Variants in RIPK1 observed in about 807,000 individuals in gnomAD.
RIPK1 encodes receptor interacting serine/threonine kinase 1.
RIPK1 carries 27 observed loss-of-function variants against 62.4 expected under a neutral mutation model. The ratio of observed to expected loss-of-function variants is 0.43; its 90% CI spans 0.32 to 0.60. The LOEUF (loss-of-function observed/expected upper bound fraction) is 0.60, where lower values mean the gene tolerates loss of function less well. Ranked by LOEUF, RIPK1 falls within the 20% of genes least tolerant of loss-of-function variation. RIPK1 has a pLI of 0.07. For missense variants in RIPK1, 735 were observed against 831.0 expected (o/e 0.88, Z 1.42); for synonymous variants, 287 against 303.2 (o/e 0.95, Z 0.55).
intron 6 of RIPK1, among the ~76,000 whole-genome samples, chr6:3,087,790 C>T (rs7770867): frequency 0.91 from 136,282 of 150,420 alleles, 62,219 homozygotes; most frequent in South Asian, 0.99. Flanking sequence ...CAGCCCGCCT[C>T]GGCCTCCCAA....
intron 5 of RIPK1, 47 bp from the exon 6 acceptor site, chr6:3,085,212 C>CT: frequency 1.9e-6 from 3 of 1,609,398 alleles, no homozygotes; most frequent in Non-Finnish European, 2.5e-6. Context: ...TGTCACCTTC[C>CT]TGCCTGAGAG....
At chr6:3,077,082 G>A (rs1282075266) in intron 2 of RIPK1, 95 bp downstream of exon 2, 2 of 1,236,472 alleles carry the variant, frequency 1.6e-6, no homozygotes, top group Non-Finnish European at 2.2e-6. Flanking sequence ...CCGTTGGTGG[G>A]TAGAGTGAGA....
In RIPK1 at chr6:3,094,044, C is replaced by T. The variant is rs796105346; in HGVS notation, c.915+4387C>T. Among the ~76,000 whole-genome samples the T allele has an allele frequency of 2.7e-3, 344 of 127,166 alleles. 59 individuals carry two copies. The highest frequency in any genetic ancestry group is 0.015 in the African/African-American group (320 of 21,794). 83.4% of individuals were successfully genotyped at this position (127,166 alleles called of 152,430 possible). On this transcript the variant is annotated intron_variant, in intron 7 of 10. Coordinates refer to ENST00000259808, the MANE Select transcript of RIPK1 (RefSeq NM_001354930.2). ...GCCTACCTGCCGCACCTAGTAACTGCAGCGCGCCTACCTGCCGCACCTAGT... is the reference window on the plus strand; with the variant it reads ...GCCTACCTGCCGCACCTAGTAACTGTAGCGCGCCTACCTGCCGCACCTAGT...
At position 3,105,131 on chromosome 6, in the gene RIPK1, C is replaced by T. The variant is rs370812061; in HGVS notation, c.1007-351C>T. 2.0e-5 allele frequency among the ~76,000 whole-genome samples: 3 copies of T among 152,172 alleles called. No individual in the cohort carries two copies. The highest frequency in any genetic ancestry group is 2.9e-5 in the Non-Finnish European group (2 of 68,040). ...CCTCCCAACGTGCTAGGATTACAGG[C>T]GTGAGCCACCGCACCCAGCCACAGA... On this transcript the variant is annotated intron_variant, in intron 8 of 10. Coordinates refer to ENST00000259808, the MANE Select transcript of RIPK1 (RefSeq NM_001354930.2). This position sits in a 1 kb window ranked among gnomAD's most constrained non-coding sequence, Gnocchi z 4.5.
At chr6:3,068,419 A>G, upstream of RIPK1, 1 of 985,474 alleles carries the variant, frequency 1.0e-6, no homozygotes, top group Non-Finnish European at 1.2e-6. Context: ...GCGAGGTCCC[A>G]CGAGCGGCGG....
At chr6:3,068,816 T>C in intron 1 of RIPK1, 155 bp downstream of exon 1, 1 of 294,364 alleles carries the variant, frequency 3.4e-6, no homozygotes, top group Non-Finnish European at 5.0e-6. Context: ...CGCCGCTTCT[T>C]CCCTCACCCG....
intron 10 of RIPK1, 61 bp downstream of exon 10, chr6:3,111,016 G>C: frequency 8.4e-7 from 1 of 1,193,944 alleles, no homozygotes; most frequent in Non-Finnish European, 1.1e-6. Flanking sequence ...TTGTGAGAAG[G>C]ACATAGTGGA....
chr6:3,089,534 A>G (rs953183540), intron 6 of RIPK1, 47 bp from the exon 7 acceptor site: 1 of 908,748 alleles, frequency 1.1e-6, no homozygotes, highest in African/African-American at 1.7e-5. Flanking sequence ...TTTTTATTTT[A>G]TGTTAGAAAA....
At chr6:3,108,047 C>T (rs1417871238) in intron 9 of RIPK1, among the ~76,000 whole-genome samples, 1 of 151,556 alleles carries the variant, frequency 6.6e-6, no homozygotes, top group Non-Finnish European at 1.5e-5. Flanking sequence ...TAACTCTATA[C>T]CAAAATATGA....
chr6:3,112,491 G>A (rs1262932445), intron 10 of RIPK1, among the ~76,000 whole-genome samples: 2 of 152,136 alleles, frequency 1.3e-5, no homozygotes, highest in Admixed American at 6.6e-5. Context: ...ATCAGCTGTG[G>A]CTCAGGGATG....
intron 1 of RIPK1, among the ~76,000 whole-genome samples, chr6:3,070,980 C>T (rs1758682972): frequency 6.6e-6 from 1 of 152,180 alleles, no homozygotes; most frequent in African/African-American, 2.4e-5. Flanking sequence ...ATCTTAGTTT[C>T]TTTATTTGCA....
upstream of RIPK1, among the ~76,000 whole-genome samples, chr6:3,065,581 G>T (rs942771535): frequency 1.3e-5 from 2 of 151,982 alleles, no homozygotes; most frequent in Admixed American, 6.6e-5. Context: ...GGTCTCCCAG[G>T]CTCACCTGGA....
intron 7 of RIPK1, among the ~76,000 whole-genome samples, chr6:3,098,112 C>T (rs1021005333): frequency 1.3e-5 from 2 of 152,138 alleles, no homozygotes; most frequent in African/African-American, 2.4e-5. Flanking sequence ...GATGAGATGA[C>T]TGCTTGGGCC....
intron 7 of RIPK1, among the ~76,000 whole-genome samples, chr6:3,096,754 T>C (rs1760336032): frequency 6.6e-6 from 1 of 151,020 alleles, no homozygotes; most frequent in South Asian, 2.1e-4. Context: ...AGAGACGGTG[T>C]TTCACCGTGT....
At chr6:3,083,437 C>T in intron 5 of RIPK1, 124 bp downstream of exon 5, 6 of 749,542 alleles carry the variant, frequency 8.0e-6, no homozygotes. Context: ...AATCAGTGAT[C>T]ATAGGATGAA....
intron 4 of RIPK1, 104 bp from the exon 5 acceptor site, chr6:3,082,981 T>C: frequency 9.0e-7 from 1 of 1,116,694 alleles, no homozygotes; most frequent in Non-Finnish European, 1.3e-6. Context: ...TTCTGGAAAA[T>C]TTACCGTACC....
rs113905706 is a variant in RIPK1 at position 3,100,572 on chromosome 6, A to G, written c.916-3653A>G. Reference sequence around the variant, plus strand: ...TGGATGTTATTCTATGTGATTCTGCATTGTTTGAATCTTTGGGGGTTTTTT... The same window carrying G: ...TGGATGTTATTCTATGTGATTCTGCGTTGTTTGAATCTTTGGGGGTTTTTT... On this transcript the variant is annotated intron_variant, in intron 7 of 10. Transcript: ENST00000259808. 5.3e-3 allele frequency among the ~76,000 whole-genome samples: 801 copies of G among 152,074 alleles called. 7 individuals are homozygous for G. The highest frequency in any genetic ancestry group is 0.019 in the African/African-American group (783 of 41,534).
chr6:3,094,434 T>A (rs1185266363), intron 7 of RIPK1, among the ~76,000 whole-genome samples: 1 of 152,176 alleles, frequency 6.6e-6, no homozygotes, highest in African/African-American at 2.4e-5. Context: ...AATATACTTT[T>A]AAATATCCCT....
At chr6:3,107,805 G>T (rs561624237) in intron 9 of RIPK1, among the ~76,000 whole-genome samples, 3 of 151,900 alleles carry the variant, frequency 2.0e-5, no homozygotes, top group African/African-American at 7.3e-5. Context: ...TTTTCACCTC[G>T]TTCTGGTTCC....
Sources: gnomAD v4.1 joint callset for allele counts (sites outside exome capture counted in the v4.1 genomes callset) on GRCh38, gnomAD v4.1.1 for gene constraint, Gnocchi (gnomAD v3.1) non-coding constraint, MANE v1.5 for transcripts, NCBI Gene and HGNC (gene_info 2026-07-23, HGNC 2026-07-21) for gene names.